RFC5: variants seen among roughly 807,000 people sequenced by gnomAD.
RFC5 encodes A1 36 kDa subunit.
In RFC5, 26 loss-of-function variants were observed where a neutral mutation model predicts 44.3. That is an observed-to-expected ratio of 0.59 (90% CI 0.43 to 0.81). The LOEUF (loss-of-function observed/expected upper bound fraction) is 0.81. Ranked by LOEUF, RFC5 falls within the 40% of genes least tolerant of loss-of-function variation. The pLI is 0.00. For synonymous variants in RFC5, 155 were observed against 155.2 expected (o/e 1.00, Z 0.01); for missense variants, 328 against 418.6 (o/e 0.78, Z 1.89).
downstream of RFC5, chr12:118,034,620 C>CAGTT: frequency 8.3e-6 from 4 of 479,394 alleles, no homozygotes; most frequent in Non-Finnish European, 1.5e-5. Flanking sequence ...AATCTGACCA[C>CAGTT]AGTTAGTTCA....
chr12:118,022,206 C>T, intron 4 of RFC5, 80 bp from the exon 5 acceptor site: 2 of 1,147,312 alleles, frequency 1.7e-6, no homozygotes, highest in South Asian at 1.2e-5. Flanking sequence ...CCCGATGGCA[C>T]AATGGGAAGA....
intron 1 of RFC5, 134 bp downstream of exon 1, chr12:118,017,026 G>C (rs1566118766): frequency 2.7e-6 from 2 of 729,374 alleles, no homozygotes; most frequent in Non-Finnish European, 4.8e-6. Flanking sequence ...AGCCGGGACC[G>C]ACCTGCAGAG....
rs1566125787 is a variant in RFC5, at chr12:118,025,116, C to T, written c.581+106C>T. The T allele has an allele frequency of 2.8e-6, 3 of 1,080,828 alleles. No individual in the cohort carries two copies. The East Asian group carries it at 7.3e-5, about 26-fold the overall frequency. The allele number at this position is 1,080,828 out of a possible 1,614,324, so 67.0% of individuals were successfully genotyped here. On this transcript the variant is annotated intron_variant, in intron 6 of 10. Coordinates refer to ENST00000454402, the MANE Select transcript of RFC5 (RefSeq NM_007370.7). ...AGAGGAATGTTGGAAAACGACTTTG[C>T]AGAGTGCCTAGCACAGGGGAGGCAC...
Position 118,024,845 on chromosome 12 carries a change from T to A in RFC5, c.422-6T>A. 1 of 1,602,248 alleles carries A rather than the reference T, an allele frequency of 6.2e-7. No individual in the cohort carries two copies. ...GACATGAGGTGGTTTTATTTTCTCT[T>A]ACTAGTAATTGAGAAATTCACAGAA... On this transcript the variant is annotated splice_polypyrimidine_tract_variant and splice_region_variant and intron_variant, in intron 5 of 10. Coordinates refer to ENST00000454402, the MANE Select transcript of RFC5 (RefSeq NM_007370.7).
At chr12:118,034,089 AG>A, downstream of RFC5, 1 of 1,445,478 alleles carries the variant, frequency 6.9e-7, no homozygotes, top group African/African-American at 1.4e-5. Context: ...ACAATCCCAA[AG>A]AAATGCTATT....
chr12:118,028,218 TC>T (rs1234944612), intron 9 of RFC5, among the ~76,000 whole-genome samples, 188 bp downstream of exon 9: 2 of 152,128 alleles, frequency 1.3e-5, no homozygotes. Flanking sequence ...GTACGGTGGC[TC>T]AAGCCTGTAA....
intron 5 of RFC5, 58 bp downstream of exon 5, chr12:118,022,417 G>A: frequency 8.3e-7 from 1 of 1,204,552 alleles, no homozygotes. Flanking sequence ...GGAGAATTAG[G>A]AACTTTGTGT....
chr12:118,020,794 C>T, intron 3 of RFC5, 112 bp from the exon 4 acceptor site: 1 of 584,498 alleles, frequency 1.7e-6, no homozygotes, highest in Non-Finnish European at 3.1e-6. Context: ...CATCATTAGA[C>T]ATAGAGAGCT....
intron 10 of RFC5, among the ~76,000 whole-genome samples, chr12:118,030,835 AG>A (rs1269340672): frequency 4.6e-5 from 7 of 152,126 alleles, no homozygotes; most frequent in Non-Finnish European, 7.4e-5. Context: ...TGTTTTGTAG[AG>A]ACGGGGGTTT....
Position 118,029,842 on chromosome 12 carries a change from C to T in RFC5, c.926+17C>T. The T allele has an allele frequency of 6.5e-7, 1 of 1,548,052 alleles. No homozygotes were observed. The highest frequency in any genetic ancestry group is 8.9e-7 in the Non-Finnish European group (1 of 1,120,034). On this transcript the variant is annotated intron_variant, in intron 10 of 10. Coordinates refer to ENST00000454402, the MANE Select transcript of RFC5 (RefSeq NM_007370.7). ...AGACATTGAGTGAGTACTTCTTGCCCCAGTTTTAATTCTTTTCTTCCTTTT... is the reference window on the plus strand; with the variant it reads ...AGACATTGAGTGAGTACTTCTTGCCTCAGTTTTAATTCTTTTCTTCCTTTT...
At position 118,019,627 on chromosome 12, in the gene RFC5, C is replaced by T. The variant is rs533932713; in HGVS notation, c.131-5C>T. ...ATGGTGCCCTTCTTCCTTCCTGATC[C>T]TCAGTTCAGAAGTTTATCAATGAAG... is the stretch of plus-strand genomic sequence containing the variant. On this transcript the variant is annotated splice_polypyrimidine_tract_variant and splice_region_variant and intron_variant, in intron 2 of 10. Transcript: ENST00000454402. This position sits in a 1 kb window ranked among gnomAD's most constrained non-coding sequence, Gnocchi z 4.2. 5.6e-6 allele frequency: 9 copies of T among 1,613,950 alleles called. No homozygotes were observed. The East Asian group carries it at 2.0e-4, about 36-fold the overall frequency.
rs746401383 is a variant in RFC5 at position 118,019,049 on chromosome 12, A to G, written c.66-23A>G. The G allele has an allele frequency of 6.5e-7, 1 of 1,539,318 alleles. No individual in the cohort carries two copies. Among genetic ancestry groups the G allele is most frequent in the Non-Finnish European group, 9.0e-7 (1 of 1,112,324 alleles). ...TATTCTTGCATTTATATATGTCATA[A>G]TACATACTAAATTGTATTTCAGGGT... On this transcript the variant is annotated intron_variant, in intron 1 of 10. Transcript: ENST00000454402. The surrounding 1 kb of genome is among the most constrained non-coding windows in gnomAD (Gnocchi z 4.2).
chr12:118,037,604 G>A (rs1051836735), downstream of RFC5, among the ~76,000 whole-genome samples: 3 of 151,384 alleles, frequency 2.0e-5, no homozygotes, highest in African/African-American at 4.9e-5. Context: ...GGAAGCGGAG[G>A]TTGCAGTAAG....
At chr12:118,038,467 AACAGCCC>A in the RFC5 span, 1 of 1,363,848 alleles carries the variant, frequency 7.3e-7, no homozygotes, top group Non-Finnish European at 1.0e-6. Context: ...CTGGGGTGGT[AACAGCCC>A]CCAGCCCAGT....
At chr12:118,026,613 G>A (rs1288238986) in intron 7 of RFC5, among the ~76,000 whole-genome samples, 2 of 152,164 alleles carry the variant, frequency 1.3e-5, no homozygotes, top group African/African-American at 4.8e-5. Context: ...AACAAAGAGA[G>A]AGCAAAAGAA....
downstream of RFC5, chr12:118,035,476 C>T: frequency 1.5e-6 from 1 of 650,642 alleles, no homozygotes. Flanking sequence ...GATTTGCACA[C>T]TGGGAAAAAA....
intron 4 of RFC5, 118 bp from the exon 5 acceptor site, chr12:118,022,168 T>C: frequency 1.3e-6 from 1 of 789,386 alleles, no homozygotes; most frequent in Non-Finnish European, 2.2e-6. Context: ...GCCAAAGTTC[T>C]AGAAGAAATT....
chr12:118,033,872 T>A (rs1267742592), downstream of RFC5: 1 of 310,932 alleles, frequency 3.2e-6, no homozygotes, highest in East Asian at 7.6e-5. Flanking sequence ...CTTAGTTGCA[T>A]AATCAAAACA....
At chr12:118,034,181 A>G (rs760239670), downstream of RFC5, 55 of 1,613,914 alleles carry the variant, frequency 3.4e-5, no homozygotes, top group East Asian at 1.2e-3. Context: ...AAAGAAGCAC[A>G]AGATGTGGTG....
Sources: allele counts gnomAD v4.1 joint callset (sites outside exome capture counted in the v4.1 genomes callset), GRCh38; gene constraint gnomAD v4.1.1; non-coding constraint Gnocchi (gnomAD v3.1); transcripts MANE v1.5; gene names NCBI Gene and HGNC (gene_info 2026-07-23, HGNC 2026-07-21).